The following CRKL variants were observed in gnomAD, a reference collection of about 807,000 sequenced individuals.
CRKL encodes the protein CRK like proto-oncogene, adaptor protein.
CRKL carries 3 observed loss-of-function variants against 23.0 expected under a neutral mutation model. The ratio of observed to expected loss-of-function variants is 0.13; its 90% CI spans 0.06 to 0.34. The LOEUF is 0.34. Among genes scored for constraint, CRKL ranks in the 10% least tolerant of loss-of-function variants. The pLI is 1.00. For synonymous variants in CRKL, 188 were observed against 160.7 expected, an observed-to-expected ratio of 1.17 and a Z score of -1.28; for missense variants, 256 against 394.5, an observed-to-expected ratio of 0.65 and a Z score of 2.97.
chr22:20,936,096 G>A (rs1921649858), intron 2 of CRKL, among the ~76,000 whole-genome samples: 1 of 152,072 alleles, frequency 6.6e-6, no homozygotes. Flanking sequence ...GTAATTAGAG[G>A]TTGCAGTGAG....
chr22:20,920,329 C>A (rs963225661), intron 1 of CRKL, among the ~76,000 whole-genome samples: 1 of 152,124 alleles, frequency 6.6e-6, no homozygotes, highest in South Asian at 2.1e-4. Flanking sequence ...GGTGAAACCC[C>A]GTCTCTGCTA....
intron 2 of CRKL, among the ~76,000 whole-genome samples, chr22:20,945,830 C>T (rs897126892): frequency 5.0e-5 from 7 of 138,956 alleles, no homozygotes; most frequent in South Asian, 2.1e-4. Context: ...TATCTCTTCA[C>T]GGCCTACACA....
At chr22:20,935,975 T>C (rs1444392543) in intron 2 of CRKL, among the ~76,000 whole-genome samples, 1 of 152,088 alleles carries the variant, frequency 6.6e-6, no homozygotes, top group Non-Finnish European at 1.5e-5. Flanking sequence ...GTCACAGACA[T>C]GGTGAAACCC....
chr22:20,933,201 T>C (rs1921518710), intron 1 of CRKL, among the ~76,000 whole-genome samples: 1 of 151,614 alleles, frequency 6.6e-6, no homozygotes, highest in Non-Finnish European at 1.5e-5. Context: ...AAATTCCGTC[T>C]CTACTAAAAA....
chr22:20,917,985 G>A lies in CRKL; in HGVS notation c.51G>A (p.Gly17=), dbSNP rs1190747266. 3.7e-6 allele frequency: 6 copies of A among 1,614,168 alleles called. No individual in the cohort carries two copies. Among genetic ancestry groups the A allele is most frequent in the South Asian group, 3.3e-5 (3 of 91,084 alleles). The change falls in exon 1 of 3, where the codon GGG becomes GGA. Residue 17 remains glycine (G), a synonymous_variant. Coordinates refer to ENST00000354336, the MANE Select transcript of CRKL (RefSeq NM_005207.4). The stretch of plus-strand genomic sequence containing the variant: ...CGGACCGCTCCGCCTGGTATATGGG[G>A]CCGGTGTCTCGCCAGGAGGCGCAGA... ...DSSDRSAWYM[G]PVSRQEAQTR...
At position 20,951,622 on chromosome 22, in the gene CRKL, A is replaced by C. The variant is rs369234111; in HGVS notation, c.*1777A>C. On this transcript the variant is annotated 3_prime_UTR_variant, in exon 3 of 3. Coordinates refer to ENST00000354336, the MANE Select transcript of CRKL (RefSeq NM_005207.4). ...AGCAGCAGCCTACTGAGTAGCTTTC[A>C]TTTACTGATCATCTGCTGTGACTGT... The C allele has an allele frequency of 8.9e-6, 2 of 225,366 alleles. No homozygotes were observed. Among genetic ancestry groups the C allele is most frequent in the African/African-American group, 4.4e-5 (2 of 45,030 alleles). 14.0% of individuals were successfully genotyped at this position (225,366 alleles called of 1,614,324 possible).
chr22:20,953,114 G>A lies in CRKL; in HGVS notation c.*3269G>A, dbSNP rs772199225. The stretch of plus-strand genomic sequence containing the variant: ...CATTTTATTTTTGAAAAGGGATGAT[G>A]TGGTTTTTTGCCAGGTGTTTATAAT... On this transcript the variant is annotated 3_prime_UTR_variant, in exon 3 of 3. Transcript: ENST00000354336. 8.8e-4 allele frequency: 204 copies of A among 232,018 alleles called. 1 individual carries two copies. The highest frequency in any genetic ancestry group is 5.5e-4 in the Non-Finnish European group (64 of 117,016). The allele number at this position is 232,018 out of a possible 1,614,324, so 14.4% of individuals were successfully genotyped here. A position where few individuals can be genotyped will look rare whatever the true frequency, so the allele number is the denominator to read the frequency against.
chr22:20,923,568 C>T lies in CRKL; in HGVS notation c.311+5323C>T, dbSNP rs935772783. Among the ~76,000 whole-genome samples, 15 of 138,654 alleles carry T rather than the reference C, an allele frequency of 1.1e-4. No homozygotes were observed. The South Asian group carries it at 1.2e-3, about 11-fold the overall frequency. 91.0% of individuals were successfully genotyped at this position (138,654 alleles called of 152,430 possible). A position where few individuals can be genotyped will look rare whatever the true frequency, so the allele number is the denominator to read the frequency against. ...CTGGGATTACAGTTATGAGCCACCGCGCCTGGCATTTTTTTTTTTTTTTTT... is the reference window on the plus strand; with the variant it reads ...CTGGGATTACAGTTATGAGCCACCGTGCCTGGCATTTTTTTTTTTTTTTTT... On this transcript the variant is annotated intron_variant, in intron 1 of 2. Transcript: ENST00000354336.
Position 20,950,273 on chromosome 22 carries a change from A to G in CRKL, c.*428A>G, listed in dbSNP as rs1213117037. On this transcript the variant is annotated 3_prime_UTR_variant, in exon 3 of 3. Transcript: ENST00000354336. The stretch of plus-strand genomic sequence containing the variant: ...CTGCCATCTTGCTTTTCTTTGGACA[A>G]CAGGAAGTGAACCTTAAGGAAGAGA... 8.4e-6 allele frequency: 2 copies of G among 237,262 alleles called. No homozygotes were observed. Among genetic ancestry groups the G allele is most frequent in the South Asian group, 1.8e-4 (1 of 5,638 alleles). The allele number at this position is 237,262 out of a possible 1,614,324, so 14.7% of individuals were successfully genotyped here.
In CRKL at chr22:20,927,197, T is replaced by TTTTTTTTTATTTTTTTTTA. The variant is rs1302272156; in HGVS notation, c.312-6574_312-6573insATTTTTTTTTATTTTTTTT. Among the ~76,000 whole-genome samples, 231 of 129,946 alleles carry TTTTTTTTTATTTTTTTTTA rather than the reference T, an allele frequency of 1.8e-3. 15 individuals carry two copies. Among genetic ancestry groups the TTTTTTTTTATTTTTTTTTA allele is most frequent in the African/African-American group, 7.0e-3 (224 of 31,864 alleles). 85.2% of individuals were successfully genotyped at this position (129,946 alleles called of 152,430 possible). ...TTAGCTCATCTTGGAATTGAATTTT[T>TTTTTTTTTATTTTTTTTTA]TTTTTTTTTTTTTGAGACAGTGTCG... On this transcript the variant is annotated intron_variant, in intron 1 of 2. Transcript: ENST00000354336.
intron 1 of CRKL, among the ~76,000 whole-genome samples, chr22:20,926,514 C>G (rs964796528): frequency 6.6e-6 from 1 of 151,962 alleles, no homozygotes; most frequent in Admixed American, 6.6e-5. Flanking sequence ...AGGGTGGGTG[C>G]GTGATTCTTT....
At chr22:20,941,588 A>ATAT (rs1247116681) in intron 2 of CRKL, among the ~76,000 whole-genome samples, 2 of 33,554 alleles carry the variant, frequency 6.0e-5, no homozygotes, top group African/African-American at 1.2e-4. Context: ...GTATATATAT[A>ATAT]TTTTTTTTTT....
chr22:20,918,908 A>G (rs73162876), intron 1 of CRKL, among the ~76,000 whole-genome samples: 12,767 of 151,886 alleles, frequency 0.084, 579 homozygotes, highest in African/African-American at 0.12. Flanking sequence ...TTTTTAAGCC[A>G]TAGACTTCTT....
At position 20,917,921 on chromosome 22, in the gene CRKL, C is replaced by A. The variant is rs764325034; in HGVS notation, c.-14C>A. Reference sequence around the variant, plus strand: ...CCGCCGCCCCTACCGCCGCAGAGTCCCCGGTCCAACACCATGTCCTCCGCC... The same window carrying A: ...CCGCCGCCCCTACCGCCGCAGAGTCACCGGTCCAACACCATGTCCTCCGCC... On this transcript the variant is annotated 5_prime_UTR_variant, in exon 1 of 3. Transcript: ENST00000354336. 2.5e-6 allele frequency: 4 copies of A among 1,609,788 alleles called. No homozygotes were observed. Among genetic ancestry groups the A allele is most frequent in the Non-Finnish European group, 3.4e-6 (4 of 1,177,954 alleles).
chr22:20,926,073 C>CT (rs911978806), intron 1 of CRKL, among the ~76,000 whole-genome samples: 6 of 152,216 alleles, frequency 3.9e-5, no homozygotes, highest in Middle Eastern at 3.4e-3. Flanking sequence ...TCAACTGATT[C>CT]TTTAAGGATG....
chr22:20,941,598 T>A (rs1262847430), intron 2 of CRKL, among the ~76,000 whole-genome samples: 12 of 91,716 alleles, frequency 1.3e-4, no homozygotes, highest in South Asian at 4.4e-4. Context: ...ATTTTTTTTT[T>A]TTTTTTTTTT....
In CRKL at chr22:20,934,076, T is replaced by C. The variant is rs2147905455; in HGVS notation, c.609T>C (p.Pro203=). 2 of 1,614,208 alleles carry C rather than the reference T, an allele frequency of 1.2e-6. No individual in the cohort carries two copies. Among genetic ancestry groups the C allele is most frequent in the Non-Finnish European group, 1.7e-6 (2 of 1,180,044 alleles). ...CCAACAGTTATGGGATCCCAGAACC[T>C]GCTCATGCATACGCTCAACCTCAGA... The part of the protein sequence containing the change: ...RNSNSYGIPE[P]AHAYAQPQTT... The change falls in exon 2 of 3, where the codon CCT becomes CCC. Residue 203 remains proline (P), a synonymous_variant. Transcript: ENST00000354336.
In CRKL at chr22:20,949,947, C is replaced by A; in HGVS notation, c.*102C>A. On this transcript the variant is annotated 3_prime_UTR_variant, in exon 3 of 3. Coordinates refer to ENST00000354336, the MANE Select transcript of CRKL (RefSeq NM_005207.4). ...TCATAGGCAAGTCACACTGCATTGC[C>A]GAAGTCCAGCTTTCTGCAGACTGGC... 1.4e-6 allele frequency: 2 copies of A among 1,446,906 alleles called. No homozygotes were observed. The highest frequency in any genetic ancestry group is 1.4e-5 in the South Asian group (1 of 69,544). 89.6% of individuals were successfully genotyped at this position (1,446,906 alleles called of 1,614,324 possible).
Position 20,934,132 on chromosome 22 carries a change from C to T in CRKL, c.665C>T (p.Ser222Phe), listed in dbSNP as rs768104683. 1 of 1,614,226 alleles carries T rather than the reference C, an allele frequency of 6.2e-7. No homozygotes were observed. Among genetic ancestry groups the T allele is most frequent in the Non-Finnish European group, 8.5e-7 (1 of 1,180,042 alleles). Residue 222 changes from serine to phenylalanine, a missense_variant, in exon 2 of 3, where the codon TCT (serine) becomes TTT (phenylalanine). This residue lies in a region of CRKL where 129 missense variants were observed against 222.1 expected (regional missense o/e 0.58). Transcript: ENST00000354336. ...ACTCCTCTACCTGCAGTTTCCGGTT[C>T]TCCTGGGGCAGCAATCACCCCTTTG... Reference protein sequence around the residue: ...TTTPLPAVSGSPGAAITPLPS... With the variant: ...TTTPLPAVSGFPGAAITPLPS...
Sources: gnomAD v4.1 joint callset for allele counts (sites outside exome capture counted in the v4.1 genomes callset) on GRCh38, gnomAD v4.1.1 for gene constraint, gnomAD v4.1.1 regional missense constraint, MANE v1.5 for transcripts, NCBI Gene and HGNC (gene_info 2026-07-23, HGNC 2026-07-21) for gene names.